INSL3: variants seen among roughly 807,000 people sequenced by gnomAD.
The protein encoded by INSL3 is insulin-like 3.
INSL3 carries 6 observed loss-of-function variants against 5.5 expected under a neutral mutation model. The ratio of observed to expected loss-of-function variants is 1.08; its 90% CI spans 0.59 to 2.14. INSL3 has a LOEUF of 2.14. Among genes scored for constraint, INSL3 ranks in the 30% most tolerant of loss-of-function variants. The pLI is 0.00. For synonymous variants in INSL3, 86 were observed against 82.1 expected, an observed-to-expected ratio of 1.05 and a Z score of -0.26; for missense variants, 178 against 184.7, an observed-to-expected ratio of 0.96 and a Z score of 0.21.
At chr19:17,818,690 C>T (rs185726057) in intron 1 of INSL3, among the ~76,000 whole-genome samples, 349 of 151,970 alleles carry the variant, frequency 2.3e-3, no homozygotes, top group African/African-American at 8.1e-3. Context: ...ACAATTGACA[C>T]CAGTGGTTCT....
intron 1 of INSL3, among the ~76,000 whole-genome samples, chr19:17,817,958 G>T (rs574042280): frequency 2.8e-4 from 42 of 152,142 alleles, no homozygotes; most frequent in African/African-American, 9.2e-4. Flanking sequence ...CCCAGGGAGT[G>T]TCGGGGGTCT....
chr19:17,818,157 G>A (rs1029437779), intron 1 of INSL3, among the ~76,000 whole-genome samples: 2 of 152,064 alleles, frequency 1.3e-5, no homozygotes, highest in Non-Finnish European at 2.9e-5. Context: ...ACACCCCTAC[G>A]AGGACACACC....
intron 1 of INSL3, among the ~76,000 whole-genome samples, chr19:17,820,077 C>G (rs569930340): frequency 3.3e-5 from 5 of 152,144 alleles, no homozygotes; most frequent in African/African-American, 1.2e-4. Context: ...TGCCACTGCA[C>G]TTCAGCCCGG....
chr19:17,819,090 G>T (rs952080442), intron 1 of INSL3, among the ~76,000 whole-genome samples: 1 of 150,986 alleles, frequency 6.6e-6, no homozygotes, highest in Non-Finnish European at 1.5e-5. Flanking sequence ...GGCCAGGCTG[G>T]TCTCACCAGC....
At position 17,816,938 on chromosome 19, in the gene INSL3, G is replaced by A. The variant is rs568295524; in HGVS notation, c.312C>T (p.His104=). The A allele has an allele frequency of 6.8e-6, 11 of 1,614,152 alleles. No individual in the cohort carries two copies. Among genetic ancestry groups the A allele is most frequent in the South Asian group, 6.6e-5 (6 of 91,090 alleles). ...GTGCAGGGTTGGTGGCAGCTGCACG[G>A]TGGTGGCGGTGATGGTGAGAGGTCT... ...LPQTSHHHRH[H]RAAATNPARY... The change falls in exon 2 of 2, where the codon CAC becomes CAT. Residue 104 remains histidine, a synonymous_variant. Transcript: ENST00000317306.
intron 1 of INSL3, among the ~76,000 whole-genome samples, chr19:17,819,064 G>A (rs560145023): frequency 3.3e-5 from 5 of 151,468 alleles, no homozygotes; most frequent in East Asian, 3.9e-4. Context: ...TAGTAGAGAC[G>A]AGGTTTCGCC....
intron 1 of INSL3, among the ~76,000 whole-genome samples, chr19:17,820,709 A>G (rs2094194226): frequency 6.6e-6 from 1 of 152,092 alleles, no homozygotes; most frequent in African/African-American, 2.4e-5. Flanking sequence ...GAAGATCAAA[A>G]TATTGAAATT....
intron 1 of INSL3, among the ~76,000 whole-genome samples, chr19:17,817,885 T>C (rs2094190259): frequency 6.7e-6 from 1 of 149,332 alleles, no homozygotes. Flanking sequence ...ACTCAACTCA[T>C]GTCCACACTC....
intron 1 of INSL3, 75 bp downstream of exon 1, chr19:17,821,242 C>T (rs1479707167): frequency 1.3e-5 from 19 of 1,484,400 alleles, no homozygotes. Flanking sequence ...CCTCCCTGCA[C>T]GTGTGCATCT....
intron 1 of INSL3, among the ~76,000 whole-genome samples, chr19:17,818,575 CA>C (rs927280865): frequency 6.6e-6 from 1 of 151,836 alleles, no homozygotes; most frequent in Non-Finnish European, 1.5e-5. Context: ...GAGATCGTGC[CA>C]CTGCACTCCA....
rs74531687 is a variant in INSL3, at chr19:17,817,089, G to A, written c.191-30C>T. 2.6e-3 allele frequency: 4,190 copies of A among 1,598,660 alleles called. 117 individuals are homozygous for A. The African/African-American group carries it at 0.051, about 19-fold the overall frequency. ...GGACAGAGTGAAACTCAGCTGGAAC[G>A]GAAACGACAGAGGACATGCTACCCC... On this transcript the variant is annotated intron_variant, in intron 1 of 1. Coordinates refer to ENST00000317306, the MANE Select transcript of INSL3 (RefSeq NM_005543.4).
At chr19:17,820,347 T>G (rs1381479256) in intron 1 of INSL3, 1 of 388,752 alleles carries the variant, frequency 2.6e-6, no homozygotes, top group East Asian at 9.5e-5. Flanking sequence ...GCAATACTTT[T>G]CAAAAGCAAT....
At chr19:17,817,117 G>T in intron 1 of INSL3, 58 bp from the exon 2 acceptor site, 1 of 1,508,584 alleles carries the variant, frequency 6.6e-7, no homozygotes, top group Non-Finnish European at 9.0e-7. Flanking sequence ...GCTACCCCAT[G>T]CTGCATGTGC....
chr19:17,817,647 TAGTC>T (rs2094189795), intron 1 of INSL3, among the ~76,000 whole-genome samples: 1 of 150,654 alleles, frequency 6.6e-6, no homozygotes, highest in Admixed American at 6.6e-5. Flanking sequence ...ATACAAAAAT[TAGTC>T]AGGCGTGGTG....
intron 1 of INSL3, among the ~76,000 whole-genome samples, chr19:17,817,817 A>AAAAAAAC: frequency 6.7e-6 from 1 of 149,840 alleles, no homozygotes; most frequent in Non-Finnish European, 1.5e-5. Context: ...AAAAAAAAAA[A>AAAAAAAC]AGCGAGCACT....
intron 1 of INSL3, among the ~76,000 whole-genome samples, chr19:17,820,048 T>A (rs993232710): frequency 1.3e-5 from 2 of 151,510 alleles, no homozygotes; most frequent in African/African-American, 4.9e-5. Flanking sequence ...GAGGCGGAGG[T>A]TGCAGTGAGC....
At chr19:17,819,732 C>T (rs1258380287) in intron 1 of INSL3, among the ~76,000 whole-genome samples, 4 of 152,166 alleles carry the variant, frequency 2.6e-5, no homozygotes, top group Non-Finnish European at 5.9e-5. Flanking sequence ...GTCCCAGCTA[C>T]TCAGGAGGCT....
intron 1 of INSL3, among the ~76,000 whole-genome samples, chr19:17,817,978 A>T (rs895797476): frequency 6.6e-6 from 1 of 151,912 alleles, no homozygotes; most frequent in Non-Finnish European, 1.5e-5. Context: ...TTGGAGCTAC[A>T]GATGGTGTCA....
chr19:17,818,907 G>C (rs369960681), intron 1 of INSL3, among the ~76,000 whole-genome samples: 1 of 151,046 alleles, frequency 6.6e-6, no homozygotes, highest in African/African-American at 2.4e-5. Context: ...ATGGAGTCTC[G>C]CTCTGTTGCC....
Sources: allele counts gnomAD v4.1 joint callset (sites outside exome capture counted in the v4.1 genomes callset), GRCh38; gene constraint gnomAD v4.1.1; transcripts MANE v1.5; gene names NCBI Gene and HGNC (gene_info 2026-07-23, HGNC 2026-07-21).